The following MGAT4A variants were observed in gnomAD, a reference collection of about 807,000 sequenced individuals.
MGAT4A encodes N-acetylglucosaminyltransferase IVa.
Under a neutral mutation model 74.1 loss-of-function variants are expected in MGAT4A, and 33 were observed. The ratio of observed to expected loss-of-function variants is 0.45; its 90% confidence interval spans 0.34 to 0.60. The LOEUF (loss-of-function observed/expected upper bound fraction) is 0.60. Ranked by LOEUF, MGAT4A falls within the 20% of genes least tolerant of loss-of-function variation. MGAT4A has a pLI of 0.02. For missense variants in MGAT4A, 479 were observed against 628.3 expected (o/e 0.76, Z 2.54); for synonymous variants, 198 against 210.4 (o/e 0.94, Z 0.51).
intron 1 of MGAT4A, among the ~76,000 whole-genome samples, chr2:98,727,835 T>G (rs1274354669): frequency 6.6e-6 from 1 of 152,200 alleles, no homozygotes; most frequent in Non-Finnish European, 1.5e-5. Flanking sequence ...ATGAAATGTT[T>G]CCTATGTGCC....
rs562147410 is a variant in MGAT4A, at chr2:98,676,883, C to T, written c.262+1421G>A. On this transcript the variant is annotated intron_variant, in intron 3 of 15. Coordinates refer to ENST00000393487, the MANE Select transcript of MGAT4A (RefSeq NM_012214.3). ...AGAAATCACTTGGCATCAGGTTTAT[C>T]GGTGATTTATTTTTTATCTACACTA... Among the ~76,000 whole-genome samples, 7 of 152,030 alleles carry T rather than the reference C, an allele frequency of 4.6e-5. No individual in the cohort carries two copies. In the East Asian group the frequency reaches 1.2e-3, roughly 25 times the overall value.
chr2:98,648,434 A>C (rs1393598709), intron 8 of MGAT4A, among the ~76,000 whole-genome samples: 4 of 152,138 alleles, frequency 2.6e-5, no homozygotes, highest in African/African-American at 9.7e-5. Flanking sequence ...CGGGAGGCAG[A>C]GGGTGCAGTG....
chr2:98,657,677 G>A (rs1701679051), intron 6 of MGAT4A, among the ~76,000 whole-genome samples: 1 of 152,090 alleles, frequency 6.6e-6, no homozygotes, highest in Non-Finnish European at 1.5e-5. Context: ...TTCATAGCAA[G>A]ACTAATTTTA....
intron 2 of MGAT4A, among the ~76,000 whole-genome samples, chr2:98,721,945 G>A (rs138374365): frequency 2.0e-5 from 3 of 152,246 alleles, no homozygotes; most frequent in Non-Finnish European, 2.9e-5. Flanking sequence ...CAATCAAAAC[G>A]CAGAGGGTGT....
intron 8 of MGAT4A, among the ~76,000 whole-genome samples, chr2:98,647,807 C>A (rs1701517272): frequency 6.6e-6 from 1 of 152,240 alleles, no homozygotes; most frequent in Admixed American, 6.5e-5. Context: ...TCCCTTTCCC[C>A]TGAGGGGTAT....
chr2:98,687,017 T>TCAA (rs1330710577), intron 2 of MGAT4A, among the ~76,000 whole-genome samples: 1 of 152,232 alleles, frequency 6.6e-6, no homozygotes, highest in Non-Finnish European at 1.5e-5. Context: ...ATGATTGTAT[T>TCAA]CAACCTGACT....
At chr2:98,673,831 C>T (rs1701943464) in intron 4 of MGAT4A, among the ~76,000 whole-genome samples, 1 of 152,048 alleles carries the variant, frequency 6.6e-6, no homozygotes, top group African/African-American at 2.4e-5. Context: ...CAAAAAGTGA[C>T]TATTAAAGGG....
intron 8 of MGAT4A, among the ~76,000 whole-genome samples, chr2:98,647,753 C>T (rs1283033566): frequency 3.3e-5 from 5 of 152,222 alleles, no homozygotes; most frequent in Non-Finnish European, 5.9e-5. Context: ...TTTATGAAAC[C>T]GTATGATGCT....
chr2:98,688,920 G>T (rs905620251), intron 2 of MGAT4A, among the ~76,000 whole-genome samples: 1 of 152,082 alleles, frequency 6.6e-6, no homozygotes, highest in Non-Finnish European at 1.5e-5. Context: ...ACAGATATAG[G>T]ATCTCAGTGA....
At position 98,641,421 on chromosome 2, in the gene MGAT4A, C is replaced by T. The variant is rs192973955; in HGVS notation, c.1021-1193G>A. ...CTGTAATCCCAGCACTTTGGGAGGC[C>T]GAGGTGGGCGGATCACGAGGTCAGG... is the stretch of plus-strand genomic sequence containing the variant. On this transcript the variant is annotated intron_variant, in intron 10 of 15. Transcript: ENST00000393487. 1.9e-4 allele frequency among the ~76,000 whole-genome samples: 28 copies of T among 144,848 alleles called. 2 individuals carry two copies. The East Asian group carries it at 5.3e-3, about 28-fold the overall frequency.
At chr2:98,712,891 G>C (rs762593949) in intron 2 of MGAT4A, among the ~76,000 whole-genome samples, 4 of 152,244 alleles carry the variant, frequency 2.6e-5, no homozygotes, top group Non-Finnish European at 4.4e-5. Context: ...GCCAGGCACA[G>C]TGGCTCATGC....
Position 98,711,533 on chromosome 2 carries a change from TTAA to T in MGAT4A, c.94+14703_94+14705del, listed in dbSNP as rs1047090003. 6.4e-4 allele frequency among the ~76,000 whole-genome samples: 98 copies of T among 152,284 alleles called. 3 individuals are homozygous for T. Among genetic ancestry groups the T allele is most frequent in the African/African-American group, 2.1e-3 (88 of 41,572 alleles). On this transcript the variant is annotated intron_variant, in intron 2 of 15. Transcript: ENST00000393487. ...ATGAAAAAGCCCATAGTATTGCTAA[TTAA>T]TAATAAGTTTAAATATAAATATGGT...
chr2:98,680,675 C>T (rs1702046716), intron 2 of MGAT4A, among the ~76,000 whole-genome samples: 1 of 152,164 alleles, frequency 6.6e-6, no homozygotes, highest in African/African-American at 2.4e-5. Flanking sequence ...CTCCAGGGTG[C>T]CGGCTAGGTT....
Position 98,647,538 on chromosome 2 carries a change from C to T in MGAT4A, c.775-1996G>A, listed in dbSNP as rs1175612036. 2.0e-5 allele frequency among the ~76,000 whole-genome samples: 3 copies of T among 152,228 alleles called. No homozygotes were observed. In the East Asian group the frequency reaches 5.8e-4, roughly 29 times the overall value. ...TTCACCATGTTGGCCAGGCTGGTCT[C>T]GAACCCTTGACCTCAGGTGATCCAC... On this transcript the variant is annotated intron_variant, in intron 8 of 15. Transcript: ENST00000393487.
chr2:98,643,906 G>A lies in MGAT4A; in HGVS notation c.1020+17C>T. On this transcript the variant is annotated intron_variant, in intron 10 of 15. Coordinates refer to ENST00000393487, the MANE Select transcript of MGAT4A (RefSeq NM_012214.3). ...CAGAAGTGAAACTCCCTCCACTCTG[G>A]TGAGGAATTAACTTACTGCATCTTT... 6.6e-7 allele frequency: 1 copy of A among 1,504,890 alleles called. No homozygotes were observed. Among genetic ancestry groups the A allele is most frequent in the Non-Finnish European group, 9.0e-7 (1 of 1,114,990 alleles). 93.2% of individuals were successfully genotyped at this position (1,504,890 alleles called of 1,614,324 possible). A position where few individuals can be genotyped will look rare whatever the true frequency, so the allele number is the denominator to read the frequency against.
At chr2:98,673,328 CT>C (rs1358591559) in intron 4 of MGAT4A, among the ~76,000 whole-genome samples, 1 of 152,004 alleles carries the variant, frequency 6.6e-6, no homozygotes, top group African/African-American at 2.4e-5. Context: ...ATATGAAGCC[CT>C]AGATAAGTTC....
chr2:98,671,765 A>C (rs1701914148), intron 4 of MGAT4A, among the ~76,000 whole-genome samples: 1 of 151,958 alleles, frequency 6.6e-6, no homozygotes. Context: ...TGGGGTGATT[A>C]TTCTGGATTA....
In MGAT4A at chr2:98,654,539, A is replaced by G. The variant is rs1348336971; in HGVS notation, c.774+906T>C. Among the ~76,000 whole-genome samples, 3 of 152,138 alleles carry G rather than the reference A, an allele frequency of 2.0e-5. No homozygotes were observed. The East Asian group carries it at 5.8e-4, about 29-fold the overall frequency. On this transcript the variant is annotated intron_variant, in intron 8 of 15. Transcript: ENST00000393487. ...TGACCAATCCAAAAAAAAAATCAAG[A>G]AAACAATGCCATTTACTGTAGTATC... is the stretch of plus-strand genomic sequence containing the variant.
intron 2 of MGAT4A, among the ~76,000 whole-genome samples, chr2:98,725,197 C>T (rs979475704): frequency 1.3e-5 from 2 of 152,152 alleles, no homozygotes; most frequent in African/African-American, 4.8e-5. Context: ...GTTTTTCATT[C>T]ATTTTCCCCC....
Sources: gnomAD v4.1 joint callset for allele counts (sites outside exome capture counted in the v4.1 genomes callset) on GRCh38, gnomAD v4.1.1 for gene constraint, MANE v1.5 for transcripts, NCBI Gene and HGNC (gene_info 2026-07-23, HGNC 2026-07-21) for gene names.